The following AMPD2 variants were observed in gnomAD, a reference collection of about 807,000 sequenced individuals.
AMPD2 encodes the protein AMP deaminase 2.
Under a neutral mutation model 91.3 loss-of-function variants are expected in AMPD2, and 52 were observed. That is an observed-to-expected ratio of 0.57 (90% CI 0.46 to 0.72). The LOEUF is 0.72. Among genes scored for constraint, AMPD2 ranks in the 30% least tolerant of loss-of-function variants. The pLI is 0.00. For missense variants in AMPD2, 822 were observed against 1,122.3 expected, an observed-to-expected ratio of 0.73 and a Z score of 3.82; for synonymous variants, 455 against 456.4, an observed-to-expected ratio of 1.00 and a Z score of 0.04.
chr1:109,625,721 C>T lies in AMPD2; in HGVS notation c.282C>T (p.Pro94=), dbSNP rs747871730. Reference sequence around the variant, plus strand: ...TCCGTAGTGCCCCGTATGAGTTCCCCGAGGAGAGCCCCATTGAACAGCTGG... The same window carrying T: ...TCCGTAGTGCCCCGTATGAGTTCCCTGAGGAGAGCCCCATTGAACAGCTGG... ...SELRSAPYEF[P]EESPIEQLEE... Residue 94 remains proline (P), a synonymous_variant, in exon 4 of 19, where the codon CCC becomes CCT. Coordinates refer to ENST00000528667, the MANE Select transcript of AMPD2 (RefSeq NM_001368809.2). This position sits in a 1 kb window ranked among gnomAD's most constrained non-coding sequence, Gnocchi z 4.0. The T allele has an allele frequency of 1.9e-4, 301 of 1,614,044 alleles. 1 individual carries two copies. The highest frequency in any genetic ancestry group is 2.4e-4 in the Non-Finnish European group (283 of 1,180,028).
chr1:109,624,138 C>G lies in AMPD2; in HGVS notation c.92-1165C>G, dbSNP rs1171129390. 1.1e-6 allele frequency: 1 copy of G among 927,226 alleles called. No homozygotes were observed. The highest frequency in any genetic ancestry group is 6.2e-5 in the Admixed American group (1 of 16,202). 57.4% of individuals were successfully genotyped at this position (927,226 alleles called of 1,614,324 possible). Reference sequence around the variant, plus strand: ...GTGCGCAGGGGACGGGGTCCTGGATCTGGGGCAGGCCCCTCCCTCTTCCCT... The same window carrying G: ...GTGCGCAGGGGACGGGGTCCTGGATGTGGGGCAGGCCCCTCCCTCTTCCCT... On this transcript the variant is annotated intron_variant, in intron 2 of 18. Coordinates refer to ENST00000528667, the MANE Select transcript of AMPD2 (RefSeq NM_001368809.2). The surrounding 1 kb of genome is among the most constrained non-coding windows in gnomAD (Gnocchi z 5.2).
In AMPD2 at chr1:109,626,438, G is replaced by T; in HGVS notation, c.531+11G>T. 1 of 1,596,318 alleles carries T rather than the reference G, an allele frequency of 6.3e-7. No homozygotes were observed. Among genetic ancestry groups the T allele is most frequent in the South Asian group, 1.1e-5 (1 of 89,200 alleles). On this transcript the variant is annotated intron_variant, in intron 6 of 18. Coordinates refer to ENST00000528667, the MANE Select transcript of AMPD2 (RefSeq NM_001368809.2). ...GAGGAGAAGTGTGGGGTAAGTATGG[G>T]GTGTATGTTGGGTGAGTCGCCATCA... is the stretch of plus-strand genomic sequence containing the variant.
intron 2 of AMPD2, among the ~76,000 whole-genome samples, chr1:109,621,834 C>A (rs1480807325): frequency 6.6e-6 from 1 of 152,214 alleles, no homozygotes; most frequent in Non-Finnish European, 1.5e-5. Context: ...TGTGAGCCTC[C>A]TTAGGAGTAT....
chr1:109,621,961 G>A (rs1650310796), intron 2 of AMPD2, among the ~76,000 whole-genome samples: 1 of 152,198 alleles, frequency 6.6e-6, no homozygotes, highest in South Asian at 2.1e-4. Context: ...GCATCATTTG[G>A]AGCAGGCAGT....
chr1:109,629,182 G>A lies in AMPD2; in HGVS notation c.1645G>A (p.Glu549Lys), dbSNP rs764016882. The change falls in exon 14 of 19, where the codon GAG becomes AAG. Residue 549 changes from glutamate (E) to lysine (K), a missense_variant. Around this residue, in one of 5 missense-constraint regions of AMPD2, gnomAD observed 430 missense variants for 606.0 expected, o/e 0.71. Transcript: ENST00000528667. ...MLENIFLPLF[E>K]ATVHPASHPE... ...GGAGAACATCTTCCTGCCACTGTTC[G>A]AGGCCACTGTGCACCCTGCCAGCCA... is the stretch of plus-strand genomic sequence containing the variant. The A allele has an allele frequency of 2.5e-6, 4 of 1,613,968 alleles. No homozygotes were observed. The East Asian group carries it at 6.7e-5, about 27-fold the overall frequency.
In AMPD2 at chr1:109,620,273, C is replaced by A. The variant is rs761073030; in HGVS notation, c.-268C>A. 4.1e-5 allele frequency: 66 copies of A among 1,613,946 alleles called. No individual in the cohort carries two copies. The highest frequency in any genetic ancestry group is 5.4e-5 in the Non-Finnish European group (64 of 1,179,962). ...TCCCCTCGGAACTCGGGCATCATGG[C>A]CTCAGGTGAGTGTGTGTACGTGTGT... On this transcript the variant is annotated 5_prime_UTR_variant, in exon 1 of 19. Coordinates refer to ENST00000528667, the MANE Select transcript of AMPD2 (RefSeq NM_001368809.2).
rs1017506042 is a variant in AMPD2, at chr1:109,625,217, C to T, written c.92-86C>T. The stretch of plus-strand genomic sequence containing the variant: ...CCTCTTTCCCGACCCTGGGCTCTCT[C>T]GGGAGCTGGCCTAGGCAGGGCAGGG... On this transcript the variant is annotated intron_variant, in intron 2 of 18. Coordinates refer to ENST00000528667, the MANE Select transcript of AMPD2 (RefSeq NM_001368809.2). The surrounding 1 kb of genome is among the most constrained non-coding windows in gnomAD (Gnocchi z 4.0). 3.6e-5 allele frequency: 56 copies of T among 1,544,768 alleles called. No individual in the cohort carries two copies. Among genetic ancestry groups the T allele is most frequent in the Admixed American group, 9.4e-5 (5 of 53,314 alleles).
Position 109,625,395 on chromosome 1 carries a change from C to A in AMPD2, c.184C>A (p.Arg62Ser), listed in dbSNP as rs751988000. Residue 62 changes from arginine to serine, a missense_variant, in exon 3 of 19, where the codon CGC becomes AGC. Arg to Ser is a moderately radical substitution (Grantham distance 110, BLOSUM62 -1). This residue lies in a region of AMPD2 where 105 missense variants were observed against 125.0 expected (regional missense o/e 0.84). Transcript: ENST00000528667. This position sits in a 1 kb window ranked among gnomAD's most constrained non-coding sequence, Gnocchi z 4.0. The stretch of plus-strand genomic sequence containing the variant: ...CCTCAAGCACTTCCCGCTCGACCTG[C>A]GCACGTCTATGGATGGCAAATGCAA... The part of the protein sequence containing the change: ...PCLKHFPLDL[R>S]TSMDGKCKEI... 6.2e-7 allele frequency: 1 copy of A among 1,613,974 alleles called. No individual in the cohort carries two copies. The highest frequency in any genetic ancestry group is 8.5e-7 in the Non-Finnish European group (1 of 1,179,992).
chr1:109,625,888 G>GT lies in AMPD2; in HGVS notation c.353+96_353+97insT, dbSNP rs1244313868. On this transcript the variant is annotated intron_variant, in intron 4 of 18. Coordinates refer to ENST00000528667, the MANE Select transcript of AMPD2 (RefSeq NM_001368809.2). This position sits in a 1 kb window ranked among gnomAD's most constrained non-coding sequence, Gnocchi z 4.0. The stretch of plus-strand genomic sequence containing the variant: ...CTCTTTCCCTCGCACCCTGCCTTGG[G>GT]GGGTCTGCACAGGGAGCATAGAGTG... 4.0e-5 allele frequency: 61 copies of GT among 1,543,928 alleles called. No individual in the cohort carries two copies. In the African/African-American group the frequency reaches 6.9e-4, roughly 18 times the overall value.
chr1:109,625,049 A>G lies in AMPD2; in HGVS notation c.92-254A>G, dbSNP rs963185356. ...GGCTCTAGTCTCATTTGTGGAGGTA[A>G]TGAATCTACTTGTTCTAGGGGCAGA... is the stretch of plus-strand genomic sequence containing the variant. On this transcript the variant is annotated intron_variant, in intron 2 of 18. Transcript: ENST00000528667. The surrounding 1 kb of genome is among the most constrained non-coding windows in gnomAD (Gnocchi z 4.0). Among the ~76,000 whole-genome samples the G allele has an allele frequency of 6.6e-6, 1 of 152,072 alleles. No individual in the cohort carries two copies. Among genetic ancestry groups the G allele is most frequent in the Admixed American group, 6.5e-5 (1 of 15,288 alleles).
At chr1:109,627,570 C>T (rs2101162488) in intron 9 of AMPD2, 52 bp downstream of exon 9, 2 of 1,603,598 alleles carry the variant, frequency 1.2e-6, no homozygotes, top group East Asian at 2.2e-5. Flanking sequence ...CCCAGATTCT[C>T]CAGCCCCAGT....
At position 109,627,241 on chromosome 1, in the gene AMPD2, C is replaced by T; in HGVS notation, c.785C>T (p.Pro262Leu). 2 of 1,612,472 alleles carry T rather than the reference C, an allele frequency of 1.2e-6. No homozygotes were observed. The highest frequency in any genetic ancestry group is 1.1e-5 in the South Asian group (1 of 90,874). ...GAGCACTGTGAGCCAAGCACCATGC[C>T]TGGGGACCTGGGCTTGGGTCTGCGC... Reference protein sequence around the residue: ...PYEHCEPSTMPGDLGLGLRMV... With the variant: ...PYEHCEPSTMLGDLGLGLRMV... The change falls in exon 8 of 19, where the codon CCT (proline) becomes CTT (leucine). Residue 262 changes from proline (P) to leucine (L), a missense_variant. By Grantham distance (98) the Pro-to-Leu change is moderately conservative. Coordinates refer to ENST00000528667, the MANE Select transcript of AMPD2 (RefSeq NM_001368809.2).
intron 2 of AMPD2, among the ~76,000 whole-genome samples, chr1:109,621,793 C>T (rs1377952992): frequency 2.6e-5 from 4 of 152,234 alleles, no homozygotes; most frequent in African/African-American, 9.6e-5. Flanking sequence ...CTGTATCTAT[C>T]GTTTGCTATT....
chr1:109,631,391 G>C lies in AMPD2; in HGVS notation c.*239G>C, dbSNP rs1020486342. The C allele has an allele frequency of 5.2e-6, 3 of 577,814 alleles. No individual in the cohort carries two copies. Among genetic ancestry groups the C allele is most frequent in the Non-Finnish European group, 9.3e-6 (3 of 324,212 alleles). The allele number at this position is 577,814 out of a possible 1,614,324, so 35.8% of individuals were successfully genotyped here. ...CCAGGTATTGAGGGCCTCCCCTGCTGGTGGCCCTGTCCTGGGATCCTCAGA... is the reference window on the plus strand; with the variant it reads ...CCAGGTATTGAGGGCCTCCCCTGCTCGTGGCCCTGTCCTGGGATCCTCAGA... On this transcript the variant is annotated 3_prime_UTR_variant, in exon 19 of 19. Coordinates refer to ENST00000528667, the MANE Select transcript of AMPD2 (RefSeq NM_001368809.2).
chr1:109,620,128 T>G lies in AMPD2; in HGVS notation c.-413T>G. ...GCAATTTTGAAAGACTGCCTTACTTTCCCCATCTCAGTGCCAGGGCAGGGG... is the reference window on the plus strand; with the variant it reads ...GCAATTTTGAAAGACTGCCTTACTTGCCCCATCTCAGTGCCAGGGCAGGGG... On this transcript the variant is annotated 5_prime_UTR_variant, in exon 1 of 19. Transcript: ENST00000528667. The G allele has an allele frequency of 8.3e-7, 1 of 1,199,968 alleles. No homozygotes were observed. Among genetic ancestry groups the G allele is most frequent in the Non-Finnish European group, 1.2e-6 (1 of 816,268 alleles). The allele number at this position is 1,199,968 out of a possible 1,614,324, so 74.3% of individuals were successfully genotyped here. A position where few individuals can be genotyped will look rare whatever the true frequency, so the allele number is the denominator to read the frequency against.
chr1:109,620,783 C>G, intron 1 of AMPD2, 131 bp from the exon 2 acceptor site: 2 of 1,318,764 alleles, frequency 1.5e-6, no homozygotes, highest in African/African-American at 1.5e-5. Context: ...GACCAGCTAG[C>G]CTGGACTTTG....
intron 2 of AMPD2, among the ~76,000 whole-genome samples, chr1:109,621,895 G>C (rs1478699558): frequency 6.6e-6 from 1 of 152,234 alleles, no homozygotes; most frequent in South Asian, 2.1e-4. Context: ...GCTGCTGCCC[G>C]CACTGTGTGT....
chr1:109,629,627 G>T, intron 15 of AMPD2, 137 bp downstream of exon 15: 2 of 1,437,876 alleles, frequency 1.4e-6, no homozygotes, highest in Non-Finnish European at 1.9e-6. Flanking sequence ...TCTGCCCTTG[G>T]AGCTACATCT....
At position 109,628,858 on chromosome 1, in the gene AMPD2, C is replaced by A; in HGVS notation, c.1571+52C>A. 6.6e-7 allele frequency: 1 copy of A among 1,525,758 alleles called. No homozygotes were observed. Among genetic ancestry groups the A allele is most frequent in the South Asian group, 1.2e-5 (1 of 81,586 alleles). The allele number at this position is 1,525,758 out of a possible 1,614,324, so 94.5% of individuals were successfully genotyped here. A position where few individuals can be genotyped will look rare whatever the true frequency, so the allele number is the denominator to read the frequency against. On this transcript the variant is annotated intron_variant, in intron 13 of 18. Coordinates refer to ENST00000528667, the MANE Select transcript of AMPD2 (RefSeq NM_001368809.2). The surrounding 1 kb of genome is among the most constrained non-coding windows in gnomAD (Gnocchi z 7.1). ...ACCTGCGGGGTCATATTCAAGGGGT[C>A]AGGGCCTGCCTCCTGCCCTCCTAGG... is the stretch of plus-strand genomic sequence containing the variant.
Sources: gnomAD v4.1 joint callset for allele counts (sites outside exome capture counted in the v4.1 genomes callset) on GRCh38, gnomAD v4.1.1 for gene constraint, gnomAD v4.1.1 regional missense constraint, Gnocchi (gnomAD v3.1) non-coding constraint, MANE v1.5 for transcripts, NCBI Gene and HGNC (gene_info 2026-07-23, HGNC 2026-07-21) for gene names.